Variants in DIS3L2 observed in about 807,000 individuals in gnomAD.
The protein encoded by DIS3L2 is DIS3-like exonuclease 2.
A neutral mutation model predicts 97.5 loss-of-function variants in DIS3L2; 34 were observed. The observed-to-expected ratio is 0.35, with a 90% confidence interval of 0.27 to 0.46. The LOEUF (loss-of-function observed/expected upper bound fraction) is 0.46, where lower values mean the gene tolerates loss of function less well. Among genes scored for constraint, DIS3L2 ranks in the 20% least tolerant of loss-of-function variants. The pLI is 1.00. For missense variants in DIS3L2, 1,038 were observed against 1,146.0 expected (o/e 0.91, Z 1.36); for synonymous variants, 435 against 445.2 (o/e 0.98, Z 0.29).
chr2:232,219,103 C>T (rs1051750761), intron 10 of DIS3L2, among the ~76,000 whole-genome samples: 2 of 152,184 alleles, frequency 1.3e-5, no homozygotes, highest in South Asian at 2.1e-4. Flanking sequence ...CAGATGAAAT[C>T]GCCTTCTAAG....
intron 3 of DIS3L2, among the ~76,000 whole-genome samples, chr2:232,020,330 A>T (rs1694479341): frequency 6.6e-6 from 1 of 152,158 alleles, no homozygotes; most frequent in South Asian, 2.1e-4. Context: ...TCAGGAAGGT[A>T]TCAAAGTAAA....
chr2:232,329,985 G>A lies in DIS3L2; in HGVS notation c.1912G>A (p.Gly638Arg), dbSNP rs1244199051. 2 of 1,610,632 alleles carry A rather than the reference G, an allele frequency of 1.2e-6. No homozygotes were observed. The highest frequency in any genetic ancestry group is 3.3e-5 in the Admixed American group (2 of 59,772). ...GCTGCCCGTGGACTTCAGCTCCGCA[G>A]GAGCCCTCAATGTGAGTGGTGGGCA... Reference protein sequence around the residue: ...MGLPVDFSSAGALNKSLTQTF... With the variant: ...MGLPVDFSSARALNKSLTQTF... The change falls in exon 15 of 21, where the codon GGA (glycine) becomes AGA (arginine). Residue 638 changes from glycine (G) to arginine (R), a missense_variant. Physicochemically the swap from Gly to Arg is moderately radical, Grantham distance 125. This residue lies in a region of DIS3L2 where 813 missense variants were observed against 880.1 expected (regional missense o/e 0.92). Coordinates refer to ENST00000325385, the MANE Select transcript of DIS3L2 (RefSeq NM_152383.5).
At chr2:232,005,085 T>A (rs890825390) in intron 1 of DIS3L2, among the ~76,000 whole-genome samples, 1 of 152,126 alleles carries the variant, frequency 6.6e-6, no homozygotes, top group Non-Finnish European at 1.5e-5. Flanking sequence ...TCTGGGTTCT[T>A]AGTATGTCAA....
chr2:232,337,598 T>C (rs540414663), downstream of DIS3L2, among the ~76,000 whole-genome samples: 103 of 152,034 alleles, frequency 6.8e-4, no homozygotes, highest in Non-Finnish European at 1.0e-3. Context: ...CCCCAGCCTG[T>C]ACTCCTTCCC....
At chr2:232,096,722 T>C (rs1697026580) in intron 6 of DIS3L2, among the ~76,000 whole-genome samples, 2 of 149,266 alleles carry the variant, frequency 1.3e-5, no homozygotes, top group Non-Finnish European at 2.9e-5. Flanking sequence ...TGATGTGTTC[T>C]TCAGTATGTC....
intron 13 of DIS3L2, 87 bp from the exon 14 acceptor site, chr2:232,299,953 C>T (rs1230769512): frequency 7.4e-6 from 10 of 1,358,960 alleles, no homozygotes; most frequent in East Asian, 2.5e-5. Context: ...AGTGTGACTT[C>T]GTTTGATTTT....
At chr2:232,091,794 C>T (rs1696845224) in intron 6 of DIS3L2, among the ~76,000 whole-genome samples, 2 of 152,188 alleles carry the variant, frequency 1.3e-5, no homozygotes, top group South Asian at 4.1e-4. Context: ...CTTTTCTCCA[C>T]ATCCTCACCA....
At chr2:232,074,537 A>G (rs1696126683) in intron 5 of DIS3L2, among the ~76,000 whole-genome samples, 1 of 151,972 alleles carries the variant, frequency 6.6e-6, no homozygotes, top group Non-Finnish European at 1.5e-5. Flanking sequence ...AAAATATGCA[A>G]ACAAATAAAT....
chr2:232,261,608 C>T (rs923465577), intron 12 of DIS3L2, among the ~76,000 whole-genome samples: 2 of 152,184 alleles, frequency 1.3e-5, no homozygotes, highest in African/African-American at 2.4e-5. Flanking sequence ...CTCCTCACAG[C>T]GTCTCCAGAA....
At chr2:232,095,820 C>CT (rs1337641524) in intron 6 of DIS3L2, among the ~76,000 whole-genome samples, 1 of 152,018 alleles carries the variant, frequency 6.6e-6, no homozygotes, top group African/African-American at 2.4e-5. Context: ...TTGAAGGATA[C>CT]TTTCACTGGA....
intron 1 of DIS3L2, among the ~76,000 whole-genome samples, chr2:232,002,420 G>A (rs1390262751): frequency 2.6e-5 from 4 of 152,126 alleles, no homozygotes; most frequent in African/African-American, 9.7e-5. Flanking sequence ...ATGGAATTTT[G>A]GTAGAGATTA....
rs535770019 is a variant in DIS3L2 at position 232,057,031 on chromosome 2, G to A, written c.366+26951G>A. ...GGAAACCATCCAAATCTCAATAGTA[G>A]AATGGATGTATTGTGGTATGTATAT... On this transcript the variant is annotated intron_variant, in intron 5 of 20. Transcript: ENST00000325385. Among the ~76,000 whole-genome samples the A allele has an allele frequency of 3.3e-5, 5 of 152,246 alleles. 1 individual carries two copies. The South Asian group carries it at 1.0e-3, about 32-fold the overall frequency.
At chr2:232,031,888 A>T (rs1239268109) in intron 5 of DIS3L2, among the ~76,000 whole-genome samples, 11 of 152,114 alleles carry the variant, frequency 7.2e-5, no homozygotes, top group Admixed American at 6.5e-5. Flanking sequence ...CATTTTCTTT[A>T]TCCAGTCTAA....
chr2:232,327,327 A>G (rs990940112), intron 14 of DIS3L2, among the ~76,000 whole-genome samples: 5 of 152,266 alleles, frequency 3.3e-5, no homozygotes, highest in Middle Eastern at 3.4e-3. Flanking sequence ...GCCTAAGGCT[A>G]CACTTGTCCC....
intron 11 of DIS3L2, among the ~76,000 whole-genome samples, chr2:232,243,077 T>C (rs1293187070): frequency 2.6e-5 from 4 of 152,000 alleles, no homozygotes; most frequent in Admixed American, 6.6e-5. Context: ...TGAGGAGGTG[T>C]TAGAGAAGAG....
intron 12 of DIS3L2, among the ~76,000 whole-genome samples, chr2:232,251,141 G>T (rs972760309): frequency 3.9e-5 from 6 of 152,184 alleles, no homozygotes; most frequent in Non-Finnish European, 8.8e-5. Context: ...GGGCTCTTAA[G>T]TATATGTGTA....
chr2:232,313,195 A>G (rs1280136686), intron 14 of DIS3L2, among the ~76,000 whole-genome samples: 1 of 151,996 alleles, frequency 6.6e-6, no homozygotes, highest in African/African-American at 2.4e-5. Flanking sequence ...TTTACCACAA[A>G]CTCACTCTTA....
chr2:232,176,527 GTTC>G (rs977555399), intron 9 of DIS3L2, among the ~76,000 whole-genome samples: 5 of 149,206 alleles, frequency 3.4e-5, no homozygotes, highest in African/African-American at 1.2e-4. Flanking sequence ...GGTTTAGTTT[GTTC>G]TTCTTTGGTT....
intron 5 of DIS3L2, among the ~76,000 whole-genome samples, chr2:232,033,502 T>C (rs1353160957): frequency 1.3e-5 from 2 of 152,156 alleles, no homozygotes; most frequent in African/African-American, 4.8e-5. Context: ...GAACTTCCAG[T>C]ACTACGTTGA....
Sources: gnomAD v4.1 joint callset for allele counts (sites outside exome capture counted in the v4.1 genomes callset) on GRCh38, gnomAD v4.1.1 for gene constraint, gnomAD v4.1.1 regional missense constraint, MANE v1.5 for transcripts, NCBI Gene and HGNC (gene_info 2026-07-23, HGNC 2026-07-21) for gene names.